Variants in DTX4 observed in about 807,000 individuals in gnomAD.
DTX4 encodes E3 ubiquitin-protein ligase DTX4.
In DTX4, 28 loss-of-function variants were observed where a neutral mutation model predicts 57.6. That is an observed-to-expected ratio of 0.49 (90% CI 0.36 to 0.67). The LOEUF is 0.67. Among genes scored for constraint, DTX4 ranks in the 30% least tolerant of loss-of-function variants. The probability of loss-of-function intolerance (pLI) is 0.00; values close to 1 mark genes in which losing one functional copy is unlikely to be tolerated. For synonymous variants in DTX4, 316 were observed against 331.0 expected (o/e 0.95, Z 0.49); for missense variants, 715 against 836.8 (o/e 0.85, Z 1.80).
At chr11:59,182,879 C>A (rs1385602452) in intron 2 of DTX4, among the ~76,000 whole-genome samples, 1 of 152,016 alleles carries the variant, frequency 6.6e-6, no homozygotes, top group Non-Finnish European at 1.5e-5. Context: ...CCCAGGAGGT[C>A]AAGGCTGCAG....
At chr11:59,186,051 G>A (rs904548337) in intron 2 of DTX4, among the ~76,000 whole-genome samples, 2 of 152,062 alleles carry the variant, frequency 1.3e-5, no homozygotes, top group Non-Finnish European at 2.9e-5. Flanking sequence ...CCATTACACG[G>A]TTCTGGATTT....
intron 8 of DTX4, among the ~76,000 whole-genome samples, chr11:59,203,768 A>G (rs1014820612): frequency 6.6e-6 from 1 of 152,236 alleles, no homozygotes; most frequent in Non-Finnish European, 1.5e-5. Context: ...CCAAAATGTC[A>G]CTATGTGTGG....
chr11:59,204,675 G>A lies in DTX4; in HGVS notation c.1627-1G>A. ...TTCATGTCCCACTTTTATCCCTCTA[G>A]GTTCTGAAGCTGCTGCTCGTGGCCT... On this transcript the variant is annotated splice_acceptor_variant, in intron 8 of 8. Transcript: ENST00000227451. LOFTEE classifies it high-confidence loss of function. The A allele has an allele frequency of 6.2e-7, 1 of 1,611,358 alleles. No homozygotes were observed. Among genetic ancestry groups the A allele is most frequent in the Non-Finnish European group, 8.5e-7 (1 of 1,178,800 alleles).
chr11:59,190,970 C>A, intron 4 of DTX4, 144 bp from the exon 5 acceptor site: 1 of 702,392 alleles, frequency 1.4e-6, no homozygotes, highest in Non-Finnish European at 2.4e-6. Flanking sequence ...CTTCCATGTT[C>A]TTAACTTAAA....
chr11:59,172,735 G>A lies in DTX4; in HGVS notation c.140G>A (p.Gly47Asp), dbSNP rs1246021788. The A allele has an allele frequency of 6.2e-7, 1 of 1,605,350 alleles. No homozygotes were observed. The highest frequency in any genetic ancestry group is 8.5e-7 in the Non-Finnish European group (1 of 1,177,420). Residue 47 changes from glycine (G) to aspartate (D), a missense_variant, in exon 1 of 9, where the codon GGC (glycine) becomes GAC (aspartate). Transcript: ENST00000227451. Reference protein sequence around the residue: ...GPRAGGSVVLGQVDSRLAPYI... With the variant: ...GPRAGGSVVLDQVDSRLAPYI... ...CGCGCGGGGGGCAGCGTGGTGCTGG[G>A]CCAGGTGGACAGCCGTCTCGCGCCC...
At chr11:59,185,761 C>G (rs1261306790) in intron 2 of DTX4, among the ~76,000 whole-genome samples, 1 of 152,180 alleles carries the variant, frequency 6.6e-6, no homozygotes, top group Non-Finnish European at 1.5e-5. Context: ...CAGAAAACGT[C>G]TTTATTCAGC....
At position 59,204,668 on chromosome 11, in the gene DTX4, C is replaced by G. The variant is rs749313235; in HGVS notation, c.1627-8C>G. On this transcript the variant is annotated splice_region_variant and splice_polypyrimidine_tract_variant and intron_variant, in intron 8 of 8. Transcript: ENST00000227451. ...TCTGCCTTTCATGTCCCACTTTTAT[C>G]CCTCTAGGTTCTGAAGCTGCTGCTC... 1.9e-6 allele frequency: 3 copies of G among 1,608,476 alleles called. No homozygotes were observed. The African/African-American group carries it at 4.0e-5, about 21-fold the overall frequency.
intron 2 of DTX4, among the ~76,000 whole-genome samples, chr11:59,184,099 C>G (rs1461346488): frequency 6.6e-6 from 1 of 152,200 alleles, no homozygotes; most frequent in African/African-American, 2.4e-5. Flanking sequence ...TTCATGACTT[C>G]CCCTGAGATG....
chr11:59,197,478 A>G (rs1309057288), intron 7 of DTX4, among the ~76,000 whole-genome samples: 2 of 152,174 alleles, frequency 1.3e-5, no homozygotes, highest in Non-Finnish European at 2.9e-5. Flanking sequence ...GGGAGGTTGC[A>G]GCCAGATCAT....
At chr11:59,187,545 G>T (rs545841606) in intron 2 of DTX4, among the ~76,000 whole-genome samples, 55 of 152,334 alleles carry the variant, frequency 3.6e-4, no homozygotes, top group African/African-American at 1.2e-3. Context: ...CTTTTTGGAT[G>T]GATAAATCAA....
chr11:59,178,360 A>C (rs962330979), intron 1 of DTX4, among the ~76,000 whole-genome samples: 1 of 152,194 alleles, frequency 6.6e-6, no homozygotes, highest in Non-Finnish European at 1.5e-5. Context: ...GCCAACATGC[A>C]TTTTGTTGGC....
At chr11:59,171,829 A>C (rs1232096368), upstream of DTX4, among the ~76,000 whole-genome samples, 1 of 152,052 alleles carries the variant, frequency 6.6e-6, no homozygotes, top group Non-Finnish European at 1.5e-5. Flanking sequence ...TGCTGCATTA[A>C]GGAAAAAAAA....
intron 1 of DTX4, among the ~76,000 whole-genome samples, chr11:59,180,903 C>T (rs1185797297): frequency 6.6e-6 from 1 of 152,180 alleles, no homozygotes; most frequent in Non-Finnish European, 1.5e-5. Context: ...AGAAAGACAT[C>T]AGATAAATAT....
chr11:59,206,396 A>G lies in DTX4; in HGVS notation c.*1487A>G, dbSNP rs1204711203. On this transcript the variant is annotated 3_prime_UTR_variant, in exon 9 of 9. Transcript: ENST00000227451. ...CCAGGGAGGAGAACAGGGGGGATCA[A>G]GAAGGGAAACCCAATTCCCCCTTTG... 1 of 152,482 alleles carries G rather than the reference A, an allele frequency of 6.6e-6. No homozygotes were observed. The highest frequency in any genetic ancestry group is 1.5e-5 in the Non-Finnish European group (1 of 68,030). 9.4% of individuals were successfully genotyped at this position (152,482 alleles called of 1,614,324 possible).
chr11:59,184,691 C>G (rs1053658758), intron 2 of DTX4, among the ~76,000 whole-genome samples: 32 of 152,186 alleles, frequency 2.1e-4, no homozygotes, highest in Non-Finnish European at 4.7e-4. Context: ...TTTCCTCTGC[C>G]CGCTCATAGA....
At chr11:59,190,654 G>C (rs760515611) in intron 4 of DTX4, among the ~76,000 whole-genome samples, 1 of 152,174 alleles carries the variant, frequency 6.6e-6, no homozygotes, top group Non-Finnish European at 1.5e-5. Context: ...TTCTGGAGTC[G>C]TGGGTCATAA....
In DTX4 at chr11:59,181,752, A is replaced by C; in HGVS notation, c.225A>C (p.Pro75=). The C allele has an allele frequency of 1.2e-6, 2 of 1,604,078 alleles. No homozygotes were observed. The highest frequency in any genetic ancestry group is 1.7e-6 in the Non-Finnish European group (2 of 1,173,622). The change falls in exon 2 of 9, where the codon CCA becomes CCC. Residue 75 remains proline, a synonymous_variant. Transcript: ENST00000227451. Reference sequence around the variant, plus strand: ...CCACCCTGGCAGGAACTCTCCGCCCAGTTCGCCGCAACTACTACGACCCCT... The same window carrying C: ...CCACCCTGGCAGGAACTCTCCGCCCCGTTCGCCGCAACTACTACGACCCCT... ...QFRQDTGTLR[P]VRRNYYDPSS...
intron 6 of DTX4, among the ~76,000 whole-genome samples, chr11:59,192,844 G>A (rs1862617020): frequency 1.3e-5 from 2 of 152,164 alleles, no homozygotes; most frequent in Admixed American, 1.3e-4. Context: ...TGCTTGTCTT[G>A]TCTATTATCT....
chr11:59,191,160 G>C lies in DTX4; in HGVS notation c.1206G>C (p.Arg402=). 6.4e-7 allele frequency: 1 copy of C among 1,571,906 alleles called. No individual in the cohort carries two copies. ...EVLKKYLQKV[R]HPPDEDCTIC... is the part of the protein sequence containing the mutation. ...TAAAAAAATATCTACAGAAAGTCCG[G>C]CACCCACCAGATGAGGTGAGTTCAG... The change falls in exon 5 of 9, where the codon CGG becomes CGC. Residue 402 remains arginine (R), a synonymous_variant. Transcript: ENST00000227451.
Sources: gnomAD v4.1 joint callset for allele counts (sites outside exome capture counted in the v4.1 genomes callset) on GRCh38, gnomAD v4.1.1 for gene constraint, MANE v1.5 for transcripts, NCBI Gene and HGNC (gene_info 2026-07-23, HGNC 2026-07-21) for gene names.